RFTN1: variants seen among roughly 807,000 people sequenced by gnomAD.
RFTN1 encodes raftlin.
A neutral mutation model predicts 46.5 loss-of-function variants in RFTN1; 26 were observed. The ratio of observed to expected loss-of-function variants is 0.56; its 90% CI spans 0.41 to 0.78. The LOEUF (loss-of-function observed/expected upper bound fraction) is 0.78. RFTN1 is among the 30% of genes least tolerant of loss of function. The probability of loss-of-function intolerance (pLI) is 0.00; values close to 1 mark genes in which losing one functional copy is unlikely to be tolerated. For synonymous variants in RFTN1, 261 were observed against 284.2 expected (o/e 0.92, Z 0.82); for missense variants, 693 against 718.7 (o/e 0.96, Z 0.41).
At chr3:16,401,595 G>A (rs1056112345) in intron 4 of RFTN1, among the ~76,000 whole-genome samples, 1 of 152,102 alleles carries the variant, frequency 6.6e-6, no homozygotes, top group Non-Finnish European at 1.5e-5. Flanking sequence ...ACACTCTTCT[G>A]TTCCTCCCTC....
chr3:16,453,426 T>A (rs1209151342), intron 2 of RFTN1, among the ~76,000 whole-genome samples: 1 of 152,208 alleles, frequency 6.6e-6, no homozygotes, highest in African/African-American at 2.4e-5. Flanking sequence ...TGTAGCAAGA[T>A]CAGAACAAAA....
At chr3:16,388,338 T>C in intron 4 of RFTN1, among the ~76,000 whole-genome samples, 1 of 152,212 alleles carries the variant, frequency 6.6e-6, no homozygotes. Flanking sequence ...TGGTACACAG[T>C]AAGTATTCCT....
chr3:16,403,062 C>A (rs2125426706), intron 4 of RFTN1, among the ~76,000 whole-genome samples: 1 of 152,300 alleles, frequency 6.6e-6, no homozygotes. Context: ...ATCAGCAGAA[C>A]CTGGGCGGCA....
intron 4 of RFTN1, 99 bp from the exon 5 acceptor site, chr3:16,378,201 G>A (rs690317): frequency 0.79 from 770,182 of 979,922 alleles, 305,168 homozygotes; most frequent in African/African-American, 0.93. Context: ...CTGCGAGGCT[G>A]TTTCAGGTGC....
chr3:16,477,218 A>T (rs187829274), intron 2 of RFTN1, among the ~76,000 whole-genome samples: 21 of 152,342 alleles, frequency 1.4e-4, no homozygotes, highest in Admixed American at 1.3e-3. Context: ...AAACTGGATT[A>T]ATCACCTGCA....
At chr3:16,326,446 C>G (rs2069699524) in intron 8 of RFTN1, among the ~76,000 whole-genome samples, 1 of 152,258 alleles carries the variant, frequency 6.6e-6, no homozygotes, top group Non-Finnish European at 1.5e-5. Flanking sequence ...CCTACCTAGC[C>G]TAGCACAAGG....
rs985657527 is a variant in RFTN1 at position 16,335,158 on chromosome 3, C to G, written c.1147-8282G>C. ...TCACTAAATCTGTGATTTGTTGCCG[C>G]AGCAACAGGAAATTAATCCACAGCT... On this transcript the variant is annotated intron_variant, in intron 7 of 9. Transcript: ENST00000334133. This position sits in a 1 kb window ranked among gnomAD's most constrained non-coding sequence, Gnocchi z 4.7. Among the ~76,000 whole-genome samples the G allele has an allele frequency of 5.9e-5, 9 of 152,224 alleles. No homozygotes were observed. The highest frequency in any genetic ancestry group is 8.8e-5 in the Non-Finnish European group (6 of 68,048).
chr3:16,419,367 C>T (rs1215534633), intron 3 of RFTN1, among the ~76,000 whole-genome samples: 1 of 152,120 alleles, frequency 6.6e-6, no homozygotes, highest in Admixed American at 6.6e-5. Flanking sequence ...GATACTATGA[C>T]AGATTCTGGG....
intron 3 of RFTN1, among the ~76,000 whole-genome samples, chr3:16,409,684 AT>A (rs386396025): frequency 0.022 from 2,679 of 122,484 alleles, 31 homozygotes; most frequent in African/African-American, 0.047. Flanking sequence ...CACCCGGCTA[AT>A]TTTTTTTTTT....
rs904518529 is a variant in RFTN1, at chr3:16,338,191, G to A, written c.1147-11315C>T. ...AAGGCAGAAAGAAGAAAGGGGCTAC[G>A]GGATGGAAGGGCAGGAGATGGCATG... On this transcript the variant is annotated intron_variant, in intron 7 of 9. Coordinates refer to ENST00000334133, the MANE Select transcript of RFTN1 (RefSeq NM_015150.2). This position sits in a 1 kb window ranked among gnomAD's most constrained non-coding sequence, Gnocchi z 5.3. 2.6e-5 allele frequency among the ~76,000 whole-genome samples: 4 copies of A among 152,232 alleles called. No individual in the cohort carries two copies. The highest frequency in any genetic ancestry group is 9.7e-5 in the African/African-American group (4 of 41,450).
At chr3:16,365,210 G>GGT (rs1435365680) in intron 6 of RFTN1, among the ~76,000 whole-genome samples, 2 of 152,150 alleles carry the variant, frequency 1.3e-5, no homozygotes, top group African/African-American at 4.8e-5. Flanking sequence ...AGAAACACCT[G>GGT]GTACTACTTC....
Position 16,377,747 on chromosome 3 carries a change from A to G in RFTN1, c.797T>C (p.Leu266Ser), listed in dbSNP as rs1293427131. 6 of 1,607,850 alleles carry G rather than the reference A, an allele frequency of 3.7e-6. No homozygotes were observed. Among genetic ancestry groups the G allele is most frequent in the Middle Eastern group, 3.3e-4 (2 of 6,046 alleles). The change falls in exon 5 of 10, where the codon TTG becomes TCG. Residue 266 changes from leucine (L) to serine (S), a missense_variant. Transcript: ENST00000334133. ...KTLDGPESNP[L>S]EVHEEPLSGK... ...TGAGAGTGGCTCTTCATGCACCTCC[A>G]AGGGGTTGCTCTCCGGTCCATCCAG...
chr3:16,434,507 A>T (rs2125497572), intron 2 of RFTN1, among the ~76,000 whole-genome samples: 1 of 152,250 alleles, frequency 6.6e-6, no homozygotes, highest in Admixed American at 6.5e-5. Flanking sequence ...GTGAGCCATG[A>T]TAGGGCCACT....
At chr3:16,491,380 G>A (rs1168803555) in intron 2 of RFTN1, among the ~76,000 whole-genome samples, 1 of 152,182 alleles carries the variant, frequency 6.6e-6, no homozygotes, top group African/African-American at 2.4e-5. Context: ...TCCTGGTGTG[G>A]TGGCAGCCAC....
chr3:16,416,288 A>C, intron 3 of RFTN1: 1 of 443,374 alleles, frequency 2.3e-6, no homozygotes, highest in South Asian at 1.6e-5. Flanking sequence ...TAATGCACAT[A>C]AACAGAGTGG....
rs565887542 is a variant in RFTN1 at position 16,377,890 on chromosome 3, G to A, written c.654C>T (p.Asn218=). Residue 218 remains asparagine (N), a synonymous_variant, in exon 5 of 10, where the codon AAC becomes AAT. Coordinates refer to ENST00000334133, the MANE Select transcript of RFTN1 (RefSeq NM_015150.2). ...GGCCTGAGCTGGGCTCTGGGCTTTG[G>A]TTTCTCCCAGCCGGAGCACTGCACA... is the stretch of plus-strand genomic sequence containing the variant. ...GDVCSAPAGR[N]QSPEPSSGPR... is the part of the protein sequence containing the mutation. 6.2e-7 allele frequency: 1 copy of A among 1,614,182 alleles called. No homozygotes were observed. Among genetic ancestry groups the A allele is most frequent in the African/African-American group, 1.3e-5 (1 of 75,050 alleles).
At chr3:16,482,679 T>A (rs1238369447) in intron 2 of RFTN1, 2 of 1,221,894 alleles carry the variant, frequency 1.6e-6, no homozygotes, top group Non-Finnish European at 2.3e-6. Flanking sequence ...TAATTGACAC[T>A]GAGCACCATG....
intron 7 of RFTN1, among the ~76,000 whole-genome samples, chr3:16,357,149 CAAACAAAA>C (rs1298910522): frequency 2.6e-4 from 38 of 148,746 alleles, no homozygotes; most frequent in Non-Finnish European, 3.6e-4. Flanking sequence ...AACAAACAAA[CAAACAAAA>C]AAAACCAAGA....
Position 16,482,934 on chromosome 3 carries a change from A to T in RFTN1, c.145+10791T>A, listed in dbSNP as rs1018505766. On this transcript the variant is annotated intron_variant, in intron 2 of 9. Coordinates refer to ENST00000334133, the MANE Select transcript of RFTN1 (RefSeq NM_015150.2). ...GAAAGTCCCGCCCCACCCAACTCTG[A>T]CCCTGGGGCCTCTTGCAGCAGTATC... 13 of 1,024,476 alleles carry T rather than the reference A, an allele frequency of 1.3e-5. No homozygotes were observed. The East Asian group carries it at 3.4e-4, about 27-fold the overall frequency. The allele number at this position is 1,024,476 out of a possible 1,614,324, so 63.5% of individuals were successfully genotyped here.
Sources: gnomAD v4.1 joint callset for allele counts (sites outside exome capture counted in the v4.1 genomes callset) on GRCh38, gnomAD v4.1.1 for gene constraint, Gnocchi (gnomAD v3.1) non-coding constraint, MANE v1.5 for transcripts, NCBI Gene and HGNC (gene_info 2026-07-23, HGNC 2026-07-21) for gene names.